The following DAPK1 variants were observed in gnomAD, a reference collection of about 807,000 sequenced individuals.
DAPK1 encodes the protein death-associated protein kinase 1.
Under a neutral mutation model 144.9 loss-of-function variants are expected in DAPK1, and 56 were observed. The observed-to-expected ratio is 0.39, with a 90% CI of 0.31 to 0.48. The LOEUF (loss-of-function observed/expected upper bound fraction) is 0.48, where lower values mean the gene tolerates loss of function less well. Ranked by LOEUF, DAPK1 falls within the 20% of genes least tolerant of loss-of-function variation. The pLI is 0.95. For synonymous variants in DAPK1, 690 were observed against 749.0 expected (o/e 0.92, Z 1.29); for missense variants, 1,454 against 1,875.4 (o/e 0.78, Z 4.15).
chr9:87,691,474 G>A (rs939197445), intron 21 of DAPK1, among the ~76,000 whole-genome samples: 1 of 151,562 alleles, frequency 6.6e-6, no homozygotes, highest in Admixed American at 6.6e-5. Flanking sequence ...TATTTTTTTA[G>A]TATCTGTTTT....
intron 24 of DAPK1, among the ~76,000 whole-genome samples, chr9:87,702,115 C>A (rs1397742709): frequency 6.6e-6 from 1 of 152,158 alleles, no homozygotes; most frequent in East Asian, 1.9e-4. Context: ...CCCCTAAACT[C>A]CTGAGCTCAG....
Position 87,650,093 on chromosome 9 carries a change from G to C in DAPK1, c.1601G>C (p.Gly534Ala). 6.2e-7 allele frequency: 1 copy of C among 1,614,112 alleles called. No homozygotes were observed. Among genetic ancestry groups the C allele is most frequent in the Non-Finnish European group, 8.5e-7 (1 of 1,180,038 alleles). ...HDIVECLAEH[G>A]ADLNACDKDG... ...ATCGTGGAGTGTCTGGCCGAACATG[G>C]AGCCGACCTTAATGCTTGCGACAAG... The change falls in exon 16 of 26, where the codon GGA becomes GCA. Residue 534 changes from glycine to alanine, a missense_variant. Gly to Ala is a moderately conservative substitution (Grantham distance 60). This residue lies in a region of DAPK1 where 1,025 missense variants were observed against 1,237.9 expected (regional missense o/e 0.83). Transcript: ENST00000408954.
At chr9:87,675,870 C>CACACACAG (rs1824352784) in intron 19 of DAPK1, among the ~76,000 whole-genome samples, 1 of 150,664 alleles carries the variant, frequency 6.6e-6, no homozygotes, top group Non-Finnish European at 1.5e-5. Flanking sequence ...CACACACACA[C>CACACACAG]ACACACACAC....
At chr9:87,611,948 G>A (rs569898369) in intron 3 of DAPK1, among the ~76,000 whole-genome samples, 1 of 152,292 alleles carries the variant, frequency 6.6e-6, no homozygotes, top group South Asian at 2.1e-4. Context: ...CCACAGACTG[G>A]GTAATTTATA....
At chr9:87,522,449 T>C (rs1825332891) in intron 2 of DAPK1, among the ~76,000 whole-genome samples, 1 of 152,212 alleles carries the variant, frequency 6.6e-6, no homozygotes, top group South Asian at 2.1e-4. Context: ...GCTTTTTTGT[T>C]TTTTCACCTC....
In DAPK1 at chr9:87,601,996, C is replaced by T. The variant is rs188475824; in HGVS notation, c.63-2958C>T. ...GAGATGTGAAGATGAGCCTGGCAGC[C>T]CTTTGTCCCCCAGGCATTGGCAGTC... On this transcript the variant is annotated intron_variant, in intron 2 of 25. Coordinates refer to ENST00000408954, the MANE Select transcript of DAPK1 (RefSeq NM_004938.4). 1.9e-3 allele frequency among the ~76,000 whole-genome samples: 295 copies of T among 152,214 alleles called. 1 individual carries two copies. The highest frequency in any genetic ancestry group is 6.6e-3 in the African/African-American group (273 of 41,506).
chr9:87,658,233 C>T (rs866877495), intron 18 of DAPK1, 106 bp downstream of exon 18: 7 of 613,828 alleles, frequency 1.1e-5, no homozygotes, highest in Middle Eastern at 5.6e-4. Flanking sequence ...TCTGAAGCAG[C>T]CAGGCTGCTG....
chr9:87,673,377 C>T (rs1473059098), intron 19 of DAPK1, among the ~76,000 whole-genome samples: 1 of 152,198 alleles, frequency 6.6e-6, no homozygotes, highest in East Asian at 1.9e-4. Flanking sequence ...TCTACGCTGT[C>T]AGCTTTCATC....
chr9:87,497,978 A>C lies in DAPK1; in HGVS notation c.-238A>C. 1 of 397,046 alleles carries C rather than the reference A, an allele frequency of 2.5e-6. No individual in the cohort carries two copies. Among genetic ancestry groups the C allele is most frequent in the Non-Finnish European group, 4.4e-6 (1 of 225,452 alleles). 24.6% of individuals were successfully genotyped at this position (397,046 alleles called of 1,614,324 possible). On this transcript the variant is annotated 5_prime_UTR_variant, in exon 1 of 26. Coordinates refer to ENST00000408954, the MANE Select transcript of DAPK1 (RefSeq NM_004938.4). ...GCAGGGTCTGGGGCCGGCGCCTGGG[A>C]GGGATCTGCGCCCCCCACTCACTCC...
intron 2 of DAPK1, among the ~76,000 whole-genome samples, chr9:87,534,042 G>A (rs558397686): frequency 2.0e-5 from 3 of 151,692 alleles, no homozygotes; most frequent in African/African-American, 7.3e-5. Context: ...ATAATGCTTT[G>A]CAATTTTAAA....
intron 21 of DAPK1, among the ~76,000 whole-genome samples, chr9:87,696,755 G>A (rs756525077): frequency 6.6e-6 from 1 of 152,044 alleles, no homozygotes; most frequent in Non-Finnish European, 1.5e-5. Context: ...AAGCCATTTG[G>A]GAGGGATTTG....
At chr9:87,701,576 C>G (rs13288271) in intron 24 of DAPK1, among the ~76,000 whole-genome samples, 3 of 152,148 alleles carry the variant, frequency 2.0e-5, no homozygotes, top group Non-Finnish European at 4.4e-5. Flanking sequence ...TCAAAAAGCT[C>G]TCCGGAATTG....
intron 2 of DAPK1, among the ~76,000 whole-genome samples, chr9:87,557,444 T>C (rs1192854709): frequency 6.6e-6 from 1 of 152,208 alleles, no homozygotes; most frequent in Non-Finnish European, 1.5e-5. Context: ...ATTCAAAACA[T>C]CTTTTGTGAG....
chr9:87,689,610 G>C (rs1302353741), intron 21 of DAPK1, among the ~76,000 whole-genome samples: 1 of 151,998 alleles, frequency 6.6e-6, no homozygotes, highest in African/African-American at 2.4e-5. Flanking sequence ...CCTGAAGCCT[G>C]TCCTCTTCTA....
Position 87,647,404 on chromosome 9 carries a change from G to A in DAPK1, c.1329+1G>A. The A allele has an allele frequency of 6.2e-7, 1 of 1,613,364 alleles. No individual in the cohort carries two copies. Among genetic ancestry groups the A allele is most frequent in the Non-Finnish European group, 8.5e-7 (1 of 1,179,292 alleles). ...ATGCCCTTTGGATGTGAAAGACAAG[G>A]TAAGGCCACTTCTCTTAGGAGGAAC... On this transcript the variant is annotated splice_donor_variant, in intron 14 of 25. Transcript: ENST00000408954. LOFTEE classifies it high-confidence loss of function.
At chr9:87,653,782 C>T (rs913599775) in intron 17 of DAPK1, among the ~76,000 whole-genome samples, 1 of 152,070 alleles carries the variant, frequency 6.6e-6, no homozygotes, top group African/African-American at 2.4e-5. Flanking sequence ...CAACCTCTGC[C>T]TCCTGGGCTC....
At chr9:87,525,993 A>G (rs769191125) in intron 2 of DAPK1, among the ~76,000 whole-genome samples, 1 of 151,958 alleles carries the variant, frequency 6.6e-6, no homozygotes, top group Non-Finnish European at 1.5e-5. Flanking sequence ...TTTCTACTAG[A>G]TTTTTTGGCT....
At chr9:87,584,014 G>A (rs1411826925) in intron 2 of DAPK1, among the ~76,000 whole-genome samples, 2 of 152,086 alleles carry the variant, frequency 1.3e-5, no homozygotes, top group African/African-American at 4.8e-5. Flanking sequence ...TTTTGTAGCT[G>A]TATTATTAGT....
chr9:87,522,207 A>G (rs570507489), intron 2 of DAPK1, among the ~76,000 whole-genome samples: 2 of 152,148 alleles, frequency 1.3e-5, no homozygotes, highest in South Asian at 4.1e-4. Flanking sequence ...GGAGAACAAG[A>G]GTTATATTTT....
Sources: gnomAD v4.1 joint callset for allele counts (sites outside exome capture counted in the v4.1 genomes callset) on GRCh38, gnomAD v4.1.1 for gene constraint, gnomAD v4.1.1 regional missense constraint, MANE v1.5 for transcripts, NCBI Gene and HGNC (gene_info 2026-07-23, HGNC 2026-07-21) for gene names.